The following BACE2 variants were observed in gnomAD, a reference collection of about 807,000 sequenced individuals.
The protein encoded by BACE2 is 56 kDa aspartic-like protease.
Under a neutral mutation model 46.2 loss-of-function variants are expected in BACE2, and 17 were observed. That is an observed-to-expected ratio of 0.37 (90% CI 0.25 to 0.55). The LOEUF is 0.55. Among genes scored for constraint, BACE2 ranks in the 20% least tolerant of loss-of-function variants. The pLI is 0.82. For missense variants in BACE2, 595 were observed against 698.1 expected, an observed-to-expected ratio of 0.85 and a Z score of 1.66; for synonymous variants, 277 against 295.9, an observed-to-expected ratio of 0.94 and a Z score of 0.66.
chr21:41,262,472 G>A (rs1987964582), intron 8 of BACE2, among the ~76,000 whole-genome samples: 1 of 152,050 alleles, frequency 6.6e-6, no homozygotes, highest in African/African-American at 2.4e-5. Context: ...ATATCTGGCA[G>A]GGACTTGACC....
At chr21:41,265,448 C>T (rs1047135745) in intron 8 of BACE2, among the ~76,000 whole-genome samples, 10 of 152,056 alleles carry the variant, frequency 6.6e-5, no homozygotes, top group African/African-American at 2.4e-4. Context: ...GATACCTGGC[C>T]ATACCATCTC....
chr21:41,254,031 C>G (rs1987710844), intron 7 of BACE2, among the ~76,000 whole-genome samples: 1 of 152,148 alleles, frequency 6.6e-6, no homozygotes, highest in African/African-American at 2.4e-5. Context: ...CTTTCTAACA[C>G]CAGGGGAAAC....
intron 3 of BACE2, among the ~76,000 whole-genome samples, chr21:41,240,725 A>G (rs930985753): frequency 4.6e-5 from 7 of 152,226 alleles, no homozygotes; most frequent in Non-Finnish European, 8.8e-5. Context: ...GTGTTCTGAC[A>G]GAGATTGCAT....
At chr21:41,224,489 G>A (rs1385379670) in intron 1 of BACE2, among the ~76,000 whole-genome samples, 3 of 152,134 alleles carry the variant, frequency 2.0e-5, no homozygotes, top group African/African-American at 2.4e-5. Context: ...GTGCCCATCC[G>A]ATTTTGATTT....
intron 1 of BACE2, among the ~76,000 whole-genome samples, chr21:41,168,978 A>ACCCCCCCCCCCCCCCCCCCCCCCCCC (rs1984488855): frequency 1.2e-5 from 1 of 84,192 alleles, no homozygotes. Context: ...TCGTGTTCAT[A>ACCCCCCCCCCCCCCCCCCCCCCCCCC]CCCTCCCTCC....
chr21:41,186,070 C>T (rs1320634824), intron 1 of BACE2: 1 of 152,352 alleles, frequency 6.6e-6, no homozygotes, highest in African/African-American at 2.4e-5. Context: ...TTCAAGGCAC[C>T]TAAACCGTGG....
chr21:41,210,350 A>G (rs1986259073), intron 1 of BACE2, among the ~76,000 whole-genome samples: 2 of 152,266 alleles, frequency 1.3e-5, no homozygotes, highest in East Asian at 3.9e-4. Flanking sequence ...GTTTAGGCAC[A>G]ACGGCTGACC....
intron 1 of BACE2, among the ~76,000 whole-genome samples, chr21:41,222,882 G>A (rs1418036534): frequency 5.3e-5 from 8 of 152,202 alleles, no homozygotes; most frequent in Admixed American, 3.9e-4. Context: ...GATCACCTCC[G>A]GCATGGCCTG....
chr21:41,211,730 T>C (rs1465455520), intron 1 of BACE2, among the ~76,000 whole-genome samples: 1 of 152,280 alleles, frequency 6.6e-6, no homozygotes, highest in Non-Finnish European at 1.5e-5. Context: ...TATCTGCTAA[T>C]TTTCCTATCT....
chr21:41,221,094 C>T (rs1286384033), intron 1 of BACE2, among the ~76,000 whole-genome samples: 1 of 150,158 alleles, frequency 6.7e-6, no homozygotes, highest in African/African-American at 2.5e-5. Flanking sequence ...GTTTTAGATT[C>T]ACTTCAAACC....
At position 41,191,485 on chromosome 21, in the gene BACE2, T is replaced by C. The variant is rs111375735; in HGVS notation, c.312+22910T>C. Reference sequence around the variant, plus strand: ...TAGGCAAACCCATATCCAGAGTAAGTGTCTATTCCAGTGGGAACAAACCTC... The same window carrying C: ...TAGGCAAACCCATATCCAGAGTAAGCGTCTATTCCAGTGGGAACAAACCTC... On this transcript the variant is annotated intron_variant, in intron 1 of 8. Coordinates refer to ENST00000330333, the MANE Select transcript of BACE2 (RefSeq NM_012105.5). Among the ~76,000 whole-genome samples, 1,161 of 152,314 alleles carry C rather than the reference T, an allele frequency of 7.6e-3. 11 individuals carry two copies. Among genetic ancestry groups the C allele is most frequent in the African/African-American group, 0.026 (1,094 of 41,572 alleles).
intron 3 of BACE2, among the ~76,000 whole-genome samples, chr21:41,238,954 T>TAA (rs34474586): frequency 2.0e-4 from 17 of 85,660 alleles, no homozygotes; most frequent in African/African-American, 3.6e-4. Flanking sequence ...AAAGTATAAT[T>TAA]AAAAAAAAAA....
chr21:41,231,018 G>A (rs1365333118), intron 2 of BACE2, among the ~76,000 whole-genome samples: 3 of 152,068 alleles, frequency 2.0e-5, no homozygotes, highest in Non-Finnish European at 4.4e-5. Context: ...ACTATATCCG[G>A]GTTGAAGCTC....
At chr21:41,201,933 A>G (rs1469675448) in intron 1 of BACE2, among the ~76,000 whole-genome samples, 1 of 152,224 alleles carries the variant, frequency 6.6e-6, no homozygotes, top group African/African-American at 2.4e-5. Context: ...TGGTTGTTTC[A>G]AAACTTTGGT....
intron 8 of BACE2, among the ~76,000 whole-genome samples, chr21:41,261,420 T>C (rs1987932028): frequency 6.6e-6 from 1 of 152,216 alleles, no homozygotes; most frequent in East Asian, 1.9e-4. Flanking sequence ...ATTTTTCTAC[T>C]AATATAGTGT....
At position 41,242,082 on chromosome 21, in the gene BACE2, G is replaced by A; in HGVS notation, c.747+135G>A. ...GTACTGTAAAACTTTCATCCTCCTT[G>A]TAGTAGATCTTTTTAGAAATGGCTA... On this transcript the variant is annotated intron_variant, in intron 4 of 8. Transcript: ENST00000330333. The A allele has an allele frequency of 3.4e-6, 4 of 1,170,044 alleles. No individual in the cohort carries two copies. The South Asian group carries it at 6.1e-5, about 18-fold the overall frequency. The allele number at this position is 1,170,044 out of a possible 1,614,324, so 72.5% of individuals were successfully genotyped here. A position where few individuals can be genotyped will look rare whatever the true frequency, so the allele number is the denominator to read the frequency against.
intron 1 of BACE2, among the ~76,000 whole-genome samples, chr21:41,203,732 C>T (rs1986035637): frequency 6.6e-6 from 1 of 151,736 alleles, no homozygotes; most frequent in African/African-American, 2.4e-5. Context: ...CGCTGGGACA[C>T]CCCAAAACTT....
rs1305663621 is a variant in BACE2 at position 41,234,077 on chromosome 21, G to A, written c.402-3436G>A. Among the ~76,000 whole-genome samples the A allele has an allele frequency of 2.0e-5, 3 of 152,198 alleles. No homozygotes were observed. In the East Asian group the frequency reaches 5.8e-4, roughly 29 times the overall value. Reference sequence around the variant, plus strand: ...TACCATGTATTGTGGGAGGGACCCAGTGGGAGATAATTGAATCAAGGGGGC... The same window carrying A: ...TACCATGTATTGTGGGAGGGACCCAATGGGAGATAATTGAATCAAGGGGGC... On this transcript the variant is annotated intron_variant, in intron 2 of 8. Coordinates refer to ENST00000330333, the MANE Select transcript of BACE2 (RefSeq NM_012105.5).
At chr21:41,258,237 G>A (rs1478730524) in intron 8 of BACE2, among the ~76,000 whole-genome samples, 1 of 152,198 alleles carries the variant, frequency 6.6e-6, no homozygotes, top group Admixed American at 6.5e-5. Flanking sequence ...AAAATTAAGT[G>A]TGAGGTCAAA....
Sources: gnomAD v4.1 joint callset for allele counts (sites outside exome capture counted in the v4.1 genomes callset) on GRCh38, gnomAD v4.1.1 for gene constraint, MANE v1.5 for transcripts, NCBI Gene and HGNC (gene_info 2026-07-23, HGNC 2026-07-21) for gene names.